Variants in THSD7A observed in about 807,000 individuals in gnomAD.
THSD7A encodes thrombospondin type-1 domain-containing protein 7A.
A neutral mutation model predicts 231.3 loss-of-function variants in THSD7A; 96 were observed. The observed-to-expected ratio is 0.41, with a 90% confidence interval of 0.35 to 0.49. The LOEUF (loss-of-function observed/expected upper bound fraction) is 0.49. Among genes scored for constraint, THSD7A ranks in the 20% least tolerant of loss-of-function variants. The pLI, the probability that THSD7A is intolerant of heterozygous loss-of-function variation, is 0.05. For synonymous variants in THSD7A, 940 were observed against 743.3 expected (o/e 1.26, Z -4.30); for missense variants, 2,290 against 2,070.2 (o/e 1.11, Z -2.06).
intron 1 of THSD7A, among the ~76,000 whole-genome samples, chr7:11,697,785 A>G (rs138610721): frequency 4.0e-5 from 6 of 151,522 alleles, no homozygotes; most frequent in African/African-American, 1.4e-4. Context: ...CCTGTCCAAT[A>G]AGAAGAACCT....
intron 1 of THSD7A, among the ~76,000 whole-genome samples, chr7:11,689,769 G>A (rs1003292818): frequency 1.3e-5 from 2 of 148,290 alleles, no homozygotes; most frequent in Admixed American, 1.4e-4. Context: ...TATGTATGGT[G>A]CCTACTCCAA....
chr7:11,483,486 C>T (rs999722941), intron 6 of THSD7A, among the ~76,000 whole-genome samples: 1 of 152,038 alleles, frequency 6.6e-6, no homozygotes, highest in Non-Finnish European at 1.5e-5. Flanking sequence ...TCTGTGGGAG[C>T]TCTCAAATTT....
chr7:11,553,439 G>C (rs10275260), intron 4 of THSD7A, among the ~76,000 whole-genome samples: 1 of 152,016 alleles, frequency 6.6e-6, no homozygotes, highest in Admixed American at 6.6e-5. Context: ...GTAATTCAGT[G>C]AATGAAGTAA....
intron 4 of THSD7A, among the ~76,000 whole-genome samples, chr7:11,569,371 G>T (rs1360463246): frequency 6.6e-6 from 1 of 152,116 alleles, no homozygotes; most frequent in Non-Finnish European, 1.5e-5. Context: ...CAAAGGGTCT[G>T]AATAGACATT....
rs781528587 is a variant in THSD7A at position 11,447,347 on chromosome 7, G to A, written c.2683C>T (p.Leu895Phe). The A allele has an allele frequency of 1.2e-6, 2 of 1,612,624 alleles. No individual in the cohort carries two copies. The highest frequency in any genetic ancestry group is 1.1e-5 in the South Asian group (1 of 90,978). ...CAGGGGATCTGGCAGGCCTGGGTAA[G>A]GGCTGGCACAGGGCCTGCATACTGT... ...CLQYAGPVPALTQACQIPCQD... is the reference protein window; with the variant it reads ...CLQYAGPVPAFTQACQIPCQD... The change falls in exon 12 of 28, where the codon CTT becomes TTT. Residue 895 changes from leucine (L) to phenylalanine (F), a missense_variant. Transcript: ENST00000423059.
rs1480138823 is a variant in THSD7A at position 11,769,132 on chromosome 7, T to C, written c.190+62625A>G. Among the ~76,000 whole-genome samples the C allele has an allele frequency of 4.0e-3, 168 of 41,974 alleles. 7 individuals carry two copies. The highest frequency in any genetic ancestry group is 0.011 in the African/African-American group (150 of 13,428). 27.5% of individuals were successfully genotyped at this position (41,974 alleles called of 152,430 possible). On this transcript the variant is annotated intron_variant, in intron 1 of 27. Transcript: ENST00000423059. ...GCCATAATTCCTGGCAATATATATA[T>C]ATATATATATATATATATATATTTT...
intron 6 of THSD7A, among the ~76,000 whole-genome samples, chr7:11,526,998 C>A (rs528669372): frequency 1.3e-5 from 2 of 152,152 alleles, no homozygotes; most frequent in South Asian, 2.1e-4. Flanking sequence ...GCCTAGGCAG[C>A]AGACTGAGAA....
intron 4 of THSD7A, among the ~76,000 whole-genome samples, chr7:11,563,473 C>A (rs1342482375): frequency 2.0e-5 from 3 of 152,102 alleles, no homozygotes; most frequent in Non-Finnish European, 4.4e-5. Flanking sequence ...GATTCTCCTG[C>A]CTCATCCTCC....
chr7:11,709,643 G>A (rs189806883), intron 1 of THSD7A, among the ~76,000 whole-genome samples: 22 of 150,744 alleles, frequency 1.5e-4, no homozygotes, highest in Admixed American at 5.3e-4. Flanking sequence ...ATATGTAGTC[G>A]TTTAACTTAA....
At chr7:11,747,572 G>A (rs945841615) in intron 1 of THSD7A, among the ~76,000 whole-genome samples, 18 of 151,852 alleles carry the variant, frequency 1.2e-4, no homozygotes, top group African/African-American at 2.4e-4. Context: ...TACAGTACAC[G>A]TCAAGCTCTG....
intron 1 of THSD7A, among the ~76,000 whole-genome samples, chr7:11,801,991 T>C (rs981517618): frequency 8.5e-5 from 13 of 152,224 alleles, no homozygotes; most frequent in African/African-American, 2.9e-4. Context: ...TATTTCAATA[T>C]GATGTTAAAG....
chr7:11,376,865 A>C, intron 26 of THSD7A: 2 of 383,318 alleles, frequency 5.2e-6, no homozygotes, highest in East Asian at 3.7e-5. Context: ...AGGAAAACTG[A>C]ACTGAAAAAT....
chr7:11,475,349 G>A (rs946940832), intron 7 of THSD7A, among the ~76,000 whole-genome samples: 3 of 151,930 alleles, frequency 2.0e-5, no homozygotes, highest in Admixed American at 2.0e-4. Flanking sequence ...ATTAGCTGTG[G>A]GGTACTTCAG....
At chr7:11,505,942 C>A (rs888419731) in intron 6 of THSD7A, among the ~76,000 whole-genome samples, 1 of 152,084 alleles carries the variant, frequency 6.6e-6, no homozygotes, top group Non-Finnish European at 1.5e-5. Flanking sequence ...GAGTGCTTTG[C>A]AAAGAGCACC....
At chr7:11,768,809 TAAAAGTACTTTTATTTC>T (rs1292068136) in intron 1 of THSD7A, among the ~76,000 whole-genome samples, 3 of 152,096 alleles carry the variant, frequency 2.0e-5, no homozygotes, top group Non-Finnish European at 4.4e-5. Context: ...TATTTAAATT[TAAAAGTACTTTTATTTC>T]AATCAGTTGA....
chr7:11,468,806 C>A (rs1785815339), intron 9 of THSD7A, among the ~76,000 whole-genome samples: 1 of 151,844 alleles, frequency 6.6e-6, no homozygotes, highest in Non-Finnish European at 1.5e-5. Flanking sequence ...TGTACTCCAG[C>A]CTGGATGACA....
At chr7:11,690,706 T>C (rs1568974) in intron 1 of THSD7A, among the ~76,000 whole-genome samples, 42,808 of 151,644 alleles carry the variant, frequency 0.28, 6,427 homozygotes, top group African/African-American at 0.36. Context: ...ACCCATACTT[T>C]CTCGAATTTC....
intron 1 of THSD7A, among the ~76,000 whole-genome samples, chr7:11,683,712 G>A (rs749933857): frequency 5.3e-5 from 8 of 151,744 alleles, no homozygotes; most frequent in Admixed American, 4.0e-4. Flanking sequence ...AATGAGTTAC[G>A]AAATTGAATG....
intron 1 of THSD7A, among the ~76,000 whole-genome samples, chr7:11,737,363 G>A (rs1411107568): frequency 6.6e-6 from 1 of 151,980 alleles, no homozygotes; most frequent in Non-Finnish European, 1.5e-5. Flanking sequence ...AGGGCACGGT[G>A]AGGCTCTTAG....
Sources: allele counts gnomAD v4.1 joint callset (sites outside exome capture counted in the v4.1 genomes callset), GRCh38; gene constraint gnomAD v4.1.1; transcripts MANE v1.5; gene names NCBI Gene and HGNC (gene_info 2026-07-23, HGNC 2026-07-21).